The following CACNA1E variants were observed in gnomAD, a reference collection of about 807,000 sequenced individuals.
CACNA1E encodes the protein voltage-dependent R-type calcium channel subunit alpha-1E.
A neutral mutation model predicts 259.2 loss-of-function variants in CACNA1E; 40 were observed. The ratio of observed to expected loss-of-function variants is 0.15; its 90% CI spans 0.12 to 0.20. CACNA1E has a LOEUF of 0.20. CACNA1E is among the 10% of genes least tolerant of loss of function. The probability of loss-of-function intolerance (pLI) is 1.00; values close to 1 mark genes in which losing one functional copy is unlikely to be tolerated. For synonymous variants in CACNA1E, 1,104 were observed against 1,138.5 expected (o/e 0.97, Z 0.61); for missense variants, 1,874 against 3,040.1 (o/e 0.62, Z 9.02).
At chr1:181,407,817 T>C (rs1276515365) in intron 1 of CACNA1E, among the ~76,000 whole-genome samples, 3 of 152,242 alleles carry the variant, frequency 2.0e-5, no homozygotes, top group Admixed American at 2.0e-4. Context: ...CCCATTTTAC[T>C]GTATCAGTTC....
chr1:181,722,765 G>A (rs963635532), intron 16 of CACNA1E, among the ~76,000 whole-genome samples: 2 of 152,174 alleles, frequency 1.3e-5, no homozygotes, highest in Admixed American at 6.5e-5. Flanking sequence ...ACCATGGGAC[G>A]CAGGTGTATT....
intron 1 of CACNA1E, among the ~76,000 whole-genome samples, chr1:181,321,369 G>A (rs1650329563): frequency 1.3e-5 from 2 of 152,272 alleles, no homozygotes; most frequent in Middle Eastern, 3.4e-3. Flanking sequence ...CCTACCTGGG[G>A]TGGTGGAATT....
In CACNA1E at chr1:181,547,641, C is replaced by A. The variant is rs567707661; in HGVS notation, c.513-30125C>A. ...ATGCTGCCCAAAGATGTAGAGGAAG[C>A]ATTCTCGCCCACAGCTGACTGGGAT... is the stretch of plus-strand genomic sequence containing the variant. On this transcript the variant is annotated intron_variant, in intron 3 of 47. Transcript: ENST00000367573. 2.0e-5 allele frequency among the ~76,000 whole-genome samples: 3 copies of A among 152,380 alleles called. No individual in the cohort carries two copies. In the South Asian group the frequency reaches 6.2e-4, roughly 32 times the overall value.
At chr1:181,549,283 A>T (rs1647862749) in intron 3 of CACNA1E, among the ~76,000 whole-genome samples, 2 of 152,140 alleles carry the variant, frequency 1.3e-5, no homozygotes, top group African/African-American at 4.8e-5. Context: ...AGGTTGTCAA[A>T]AGGGCTTTGA....
At chr1:181,487,146 G>A (rs986732063) in intron 1 of CACNA1E, among the ~76,000 whole-genome samples, 1 of 152,034 alleles carries the variant, frequency 6.6e-6, no homozygotes, top group South Asian at 2.1e-4. Context: ...GTTACAACAC[G>A]TTTTGAGACT....
At position 181,331,552 on chromosome 1, in the gene CACNA1E, C is replaced by T. The variant is rs1373505851; in HGVS notation, c.-15+13429C>T. Among the ~76,000 whole-genome samples, 20 of 152,138 alleles carry T rather than the reference C, an allele frequency of 1.3e-4. 2 individuals are homozygous for T. Among genetic ancestry groups the T allele is most frequent in the Admixed American group, 1.3e-3 (20 of 15,270 alleles). ...CTTCAGCTAATTGGATGGTGCCTGA[C>T]CTCATTAAAGGTACGCTTTCCCCAC... On this transcript the variant is annotated intron_variant, in intron 1 of 11. Transcript: ENST00000524607.
chr1:181,540,817 A>G (rs1321850756), intron 3 of CACNA1E, among the ~76,000 whole-genome samples: 1 of 152,144 alleles, frequency 6.6e-6, no homozygotes, highest in African/African-American at 2.4e-5. Context: ...AGGTATAATC[A>G]TTTCTTGGAG....
intron 1 of CACNA1E, among the ~76,000 whole-genome samples, chr1:181,369,059 G>A (rs139893897): frequency 2.8e-4 from 42 of 152,320 alleles, no homozygotes; most frequent in African/African-American, 9.9e-4. Flanking sequence ...GGGTTGAAGC[G>A]CATGCTGTGG....
intron 22 of CACNA1E, among the ~76,000 whole-genome samples, chr1:181,737,182 A>T (rs1656122167): frequency 6.6e-6 from 1 of 152,172 alleles, no homozygotes; most frequent in Non-Finnish European, 1.5e-5. Flanking sequence ...GGGATGTCCC[A>T]GTTTCCTTTC....
At chr1:181,661,388 G>A (rs377524485) in intron 7 of CACNA1E, among the ~76,000 whole-genome samples, 2 of 152,176 alleles carry the variant, frequency 1.3e-5, no homozygotes, top group East Asian at 3.9e-4. Flanking sequence ...ACAGCTCCAG[G>A]AGGTGTTGGG....
intron 3 of CACNA1E, among the ~76,000 whole-genome samples, chr1:181,527,246 G>A (rs1391988173): frequency 2.0e-5 from 3 of 152,212 alleles, no homozygotes; most frequent in African/African-American, 7.2e-5. Flanking sequence ...CTGGCTGCTG[G>A]ACAGCTGTCT....
intron 3 of CACNA1E, among the ~76,000 whole-genome samples, chr1:181,520,176 T>G (rs577187602): frequency 3.3e-4 from 51 of 152,296 alleles, no homozygotes; most frequent in African/African-American, 1.2e-3. Context: ...TGATATTATC[T>G]CCATTTTACG....
intron 44 of CACNA1E, among the ~76,000 whole-genome samples, chr1:181,792,438 G>T (rs1661406377): frequency 6.6e-6 from 1 of 152,228 alleles, no homozygotes; most frequent in South Asian, 2.1e-4. Flanking sequence ...TGCATATGGA[G>T]TGTGTGTCTC....
intron 1 of CACNA1E, among the ~76,000 whole-genome samples, chr1:181,325,043 G>T (rs1441376934): frequency 6.6e-6 from 1 of 152,062 alleles, no homozygotes; most frequent in Non-Finnish European, 1.5e-5. Flanking sequence ...AGCCCATCGT[G>T]CTCAGAGGGG....
chr1:181,377,410 G>A (rs559077008), intron 1 of CACNA1E, among the ~76,000 whole-genome samples: 1 of 152,262 alleles, frequency 6.6e-6, no homozygotes, highest in Non-Finnish European at 1.5e-5. Flanking sequence ...GTAGCAAAGA[G>A]TTCATATGGT....
intron 3 of CACNA1E, among the ~76,000 whole-genome samples, chr1:181,521,477 A>G (rs573165354): frequency 4.8e-4 from 73 of 152,314 alleles, no homozygotes; most frequent in Admixed American, 7.8e-4. Context: ...ATACCCATAT[A>G]TGAGCTCTGA....
At chr1:181,795,787 T>TATA (rs1410248740) in intron 46 of CACNA1E, among the ~76,000 whole-genome samples, 8 of 143,754 alleles carry the variant, frequency 5.6e-5, no homozygotes, top group African/African-American at 7.5e-5. Flanking sequence ...TATATATATA[T>TATA]TAGTCTGGCT....
intron 1 of CACNA1E, among the ~76,000 whole-genome samples, chr1:181,328,619 C>T (rs1400394142): frequency 6.6e-6 from 1 of 152,082 alleles, no homozygotes; most frequent in East Asian, 1.9e-4. Flanking sequence ...TGAGAAGTAG[C>T]CACCAAGATG....
At chr1:181,488,364 G>C (rs187800275) in intron 1 of CACNA1E, among the ~76,000 whole-genome samples, 54 of 152,364 alleles carry the variant, frequency 3.5e-4, no homozygotes, top group African/African-American at 1.3e-3. Context: ...CCTATGATCA[G>C]ATAATGCAGA....
Sources: gnomAD v4.1 joint callset for allele counts (sites outside exome capture counted in the v4.1 genomes callset) on GRCh38, gnomAD v4.1.1 for gene constraint, MANE v1.5 for transcripts, NCBI Gene and HGNC (gene_info 2026-07-23, HGNC 2026-07-21) for gene names.